ZNF670: variants seen among roughly 807,000 people sequenced by gnomAD.
ZNF670 encodes zinc finger protein 670.
ZNF670 carries 7 observed loss-of-function variants against 10.9 expected under a neutral mutation model. The observed-to-expected ratio is 0.64, with a 90% CI of 0.36 to 1.20. ZNF670 has a LOEUF of 1.20. Ranked by LOEUF, ZNF670 falls within the 50% of genes most tolerant of loss-of-function variation. The pLI is 0.02. For missense variants in ZNF670, 446 were observed against 458.6 expected, an observed-to-expected ratio of 0.97 and a Z score of 0.25; for synonymous variants, 136 against 152.7, an observed-to-expected ratio of 0.89 and a Z score of 0.81.
intron 1 of ZNF670, among the ~76,000 whole-genome samples, chr1:247,073,659 A>C (rs1471449669): frequency 2.6e-5 from 4 of 152,180 alleles, no homozygotes; most frequent in African/African-American, 7.2e-5. Context: ...ACTTTGCTGA[A>C]CACCAACCAA....
At chr1:247,038,486 A>G (rs1290712940) in intron 3 of ZNF670, 59 bp from the exon 4 acceptor site, 8 of 1,496,792 alleles carry the variant, frequency 5.3e-6, no homozygotes, top group Non-Finnish European at 8.9e-7. Flanking sequence ...ATTGCTACTA[A>G]TACCATGGAA....
Position 247,037,875 on chromosome 1 carries a change from A to C in ZNF670, c.744T>G (p.Thr248=). ...CCTTACATTCATAGGGTTTCTCTCCAGTATGAGATCTTTCATGTTGGCGAA... is the reference window on the plus strand; with the variant it reads ...CCTTACATTCATAGGGTTTCTCTCCCGTATGAGATCTTTCATGTTGGCGAA... ...SSLRQHERSH[T]GEKPYECKEC... Residue 248 remains threonine, a synonymous_variant, in exon 4 of 4, where the codon ACT becomes ACG. Transcript: ENST00000366503. 1 of 1,613,898 alleles carries C rather than the reference A, an allele frequency of 6.2e-7. No individual in the cohort carries two copies. Among genetic ancestry groups the C allele is most frequent in the Non-Finnish European group, 8.5e-7 (1 of 1,179,942 alleles).
rs1326840715 is a variant in ZNF670 at position 247,037,632 on chromosome 1, T to C, written c.987A>G (p.Arg329=). 5.6e-6 allele frequency: 9 copies of C among 1,613,982 alleles called. No homozygotes were observed. The highest frequency in any genetic ancestry group is 4.5e-5 in the East Asian group (2 of 44,884). Residue 329 remains arginine (R), a synonymous_variant, in exon 4 of 4, where the codon AGA becomes AGG. Transcript: ENST00000366503. Reference sequence around the variant, plus strand: ...CATAAGGTTTCACTCCAGTGTGAGTTCTTTCATGCTCACATAGGTTACTAG... The same window carrying C: ...CATAAGGTTTCACTCCAGTGTGAGTCCTTTCATGCTCACATAGGTTACTAG... The part of the protein sequence containing the change: ...KYSSNLCEHE[R]THTGVKPYGC...
Position 247,038,025 on chromosome 1 carries a change from T to C in ZNF670, c.594A>G (p.Lys198=). ...QSTYTGEKTY[K]CKHCDKAFNY... ...TGAAGGCTTTATCACAATGTTTACATTTATATGTTTTCTCTCCAGTGTAAG... is the reference window on the plus strand; with the variant it reads ...TGAAGGCTTTATCACAATGTTTACACTTATATGTTTTCTCTCCAGTGTAAG... The change falls in exon 4 of 4, where the codon AAA becomes AAG. Residue 198 remains lysine (K), a synonymous_variant. Coordinates refer to ENST00000366503, the MANE Select transcript of ZNF670 (RefSeq NM_033213.5). 1 of 1,613,964 alleles carries C rather than the reference T, an allele frequency of 6.2e-7. No homozygotes were observed. The highest frequency in any genetic ancestry group is 2.2e-5 in the East Asian group (1 of 44,876).
chr1:247,051,279 ACTC>A (rs1484935655), intron 1 of ZNF670, among the ~76,000 whole-genome samples: 2 of 151,226 alleles, frequency 1.3e-5, no homozygotes, highest in Non-Finnish European at 1.5e-5. Context: ...CAAAAAAAAA[ACTC>A]CTTTTAGCAG....
rs533137546 is a variant in ZNF670 at position 247,064,578 on chromosome 1, T to C, written c.3+14016A>G. The stretch of plus-strand genomic sequence containing the variant: ...GTCTTCCTGCACTCCACAGGGCCTT[T>C]CTGCCTTTTCCTCCTGGACTCAGGG... On this transcript the variant is annotated intron_variant, in intron 1 of 3. Coordinates refer to ENST00000366503, the MANE Select transcript of ZNF670 (RefSeq NM_033213.5). Among the ~76,000 whole-genome samples the C allele has an allele frequency of 1.7e-3, 257 of 152,344 alleles. 1 individual carries two copies. Among genetic ancestry groups the C allele is most frequent in the East Asian group, 9.7e-4 (5 of 5,178 alleles).
rs1034052104 is a variant in ZNF670, at chr1:247,035,129, G to A, written c.*2320C>T. Among the ~76,000 whole-genome samples the A allele has an allele frequency of 2.6e-5, 4 of 152,198 alleles. No homozygotes were observed. Among genetic ancestry groups the A allele is most frequent in the Non-Finnish European group, 2.9e-5 (2 of 68,038 alleles). ...ATATTATGGAACCAGTTAGACAAAA[G>A]CAGGTAGTTAAAGCTGAAAAGATAT... On this transcript the variant is annotated 3_prime_UTR_variant, in exon 4 of 4. Coordinates refer to ENST00000366503, the MANE Select transcript of ZNF670 (RefSeq NM_033213.5).
At position 247,036,129 on chromosome 1, in the gene ZNF670, T is replaced by C. The variant is rs1015058400; in HGVS notation, c.*1320A>G. Among the ~76,000 whole-genome samples the C allele has an allele frequency of 3.3e-5, 5 of 152,114 alleles. No homozygotes were observed. Among genetic ancestry groups the C allele is most frequent in the Non-Finnish European group, 7.4e-5 (5 of 68,024 alleles). ...GCCAGTTAACGTAATAGACTATCAG[T>C]AGAATGCCAAAAACCACAAATCATC... On this transcript the variant is annotated 3_prime_UTR_variant, in exon 4 of 4. Transcript: ENST00000366503.
intron 1 of ZNF670, among the ~76,000 whole-genome samples, chr1:247,064,804 T>G (rs1205688605): frequency 6.6e-6 from 1 of 152,162 alleles, no homozygotes; most frequent in Non-Finnish European, 1.5e-5. Context: ...TTTTCTTTTC[T>G]CTTTCCTTCT....
At chr1:247,045,485 C>T (rs920047881) in intron 1 of ZNF670, among the ~76,000 whole-genome samples, 1 of 152,142 alleles carries the variant, frequency 6.6e-6, no homozygotes, top group African/African-American at 2.4e-5. Context: ...CTCTGACTCC[C>T]TCTCTCACCA....
intron 1 of ZNF670, among the ~76,000 whole-genome samples, chr1:247,071,804 G>A (rs954040000): frequency 1.6e-4 from 24 of 151,162 alleles, no homozygotes; most frequent in African/African-American, 5.1e-4. Context: ...TTATAAATTG[G>A]GTAAAATACC....
At chr1:247,043,262 A>G in intron 1 of ZNF670, 2 of 661,346 alleles carry the variant, frequency 3.0e-6, no homozygotes, top group South Asian at 2.9e-5. Flanking sequence ...GTCTCTGGGT[A>G]TATTCTGGAA....
chr1:247,039,147 T>C (rs927114194), intron 2 of ZNF670, among the ~76,000 whole-genome samples: 3 of 147,696 alleles, frequency 2.0e-5, no homozygotes, highest in African/African-American at 7.5e-5. Context: ...CAACCTCCAC[T>C]TCCTAGGTTC....
At chr1:247,077,550 C>T (rs968717310) in intron 1 of ZNF670, among the ~76,000 whole-genome samples, 2 of 152,036 alleles carry the variant, frequency 1.3e-5, no homozygotes, top group Non-Finnish European at 2.9e-5. Flanking sequence ...CTGCTTTCCA[C>T]TCATGTGTAA....
chr1:247,050,641 A>T (rs1451713880), intron 1 of ZNF670, among the ~76,000 whole-genome samples: 1 of 151,680 alleles, frequency 6.6e-6, no homozygotes, highest in Admixed American at 6.6e-5. Context: ...ACGCCCAACT[A>T]ATTTTTGTAT....
Position 247,069,573 on chromosome 1 carries a change from A to G in ZNF670, c.3+9021T>C, listed in dbSNP as rs545372319. On this transcript the variant is annotated intron_variant, in intron 1 of 3. Coordinates refer to ENST00000366503, the MANE Select transcript of ZNF670 (RefSeq NM_033213.5). ...CGTTTGTTGTAGCACTGTTTACGATAGCCAAAATTTGGAAACAACCTAAGT... is the reference window on the plus strand; with the variant it reads ...CGTTTGTTGTAGCACTGTTTACGATGGCCAAAATTTGGAAACAACCTAAGT... 8.3e-4 allele frequency among the ~76,000 whole-genome samples: 124 copies of G among 150,010 alleles called. 10 individuals carry two copies. Among genetic ancestry groups the G allele is most frequent in the African/African-American group, 3.0e-3 (119 of 39,362 alleles).
At chr1:247,056,394 A>T (rs1279606269) in intron 1 of ZNF670, among the ~76,000 whole-genome samples, 2 of 152,226 alleles carry the variant, frequency 1.3e-5, no homozygotes, top group Non-Finnish European at 2.9e-5. Flanking sequence ...TGTAAACTCT[A>T]CAGATCCACG....
intron 1 of ZNF670, among the ~76,000 whole-genome samples, chr1:247,053,773 G>A (rs1034687198): frequency 2.6e-5 from 4 of 152,180 alleles, no homozygotes; most frequent in African/African-American, 9.7e-5. Context: ...CCTAGTAACA[G>A]GAGAGTAGAG....
At chr1:247,058,595 A>T (rs890422724) in intron 1 of ZNF670, among the ~76,000 whole-genome samples, 1 of 152,112 alleles carries the variant, frequency 6.6e-6, no homozygotes, top group Non-Finnish European at 1.5e-5. Context: ...CTCCATAAAC[A>T]TCAATATAAT....
Sources: gnomAD v4.1 joint callset for allele counts (sites outside exome capture counted in the v4.1 genomes callset) on GRCh38, gnomAD v4.1.1 for gene constraint, MANE v1.5 for transcripts, NCBI Gene and HGNC (gene_info 2026-07-23, HGNC 2026-07-21) for gene names.